Variants in PSEN1 observed in about 807,000 individuals in gnomAD.
PSEN1 encodes presenilin-1.
Under a neutral mutation model 53.5 loss-of-function variants are expected in PSEN1, and 15 were observed. The ratio of observed to expected loss-of-function variants is 0.28; its 90% CI spans 0.19 to 0.43. The LOEUF (loss-of-function observed/expected upper bound fraction) is 0.43. Ranked by LOEUF, PSEN1 falls within the 20% of genes least tolerant of loss-of-function variation. The pLI is 1.00. For synonymous variants in PSEN1, 208 were observed against 209.8 expected (o/e 0.99, Z 0.08); for missense variants, 387 against 571.2 (o/e 0.68, Z 3.29).
Position 73,214,993 on chromosome 14 carries a change from C to T in PSEN1, c.1130-2133C>T, listed in dbSNP as rs537949425. 3.9e-3 allele frequency among the ~76,000 whole-genome samples: 593 copies of T among 152,102 alleles called. 9 individuals carry two copies. Among genetic ancestry groups the T allele is most frequent in the Non-Finnish European group, 1.6e-3 (112 of 67,988 alleles). ...ATTTTTTTATTTTTTGAGACAATTT[C>T]GCTCGTTGCCTAGGGTGGAGTGCAG... On this transcript the variant is annotated intron_variant, in intron 10 of 11. Coordinates refer to ENST00000324501, the MANE Select transcript of PSEN1 (RefSeq NM_000021.4).
At chr14:73,200,775 G>A (rs756211906) in intron 8 of PSEN1, among the ~76,000 whole-genome samples, 15 of 152,128 alleles carry the variant, frequency 9.9e-5, no homozygotes, top group Non-Finnish European at 1.6e-4. Flanking sequence ...GAGAGGCTGG[G>A]CGTGGTGGCT....
chr14:73,193,287 G>A (rs1898799155), intron 7 of PSEN1, among the ~76,000 whole-genome samples: 1 of 152,084 alleles, frequency 6.6e-6, no homozygotes, highest in South Asian at 2.1e-4. Flanking sequence ...TCCAGCCTGG[G>A]TGATAGAACA....
At chr14:73,182,582 G>A (rs1049558646) in intron 5 of PSEN1, among the ~76,000 whole-genome samples, 11 of 152,086 alleles carry the variant, frequency 7.2e-5, no homozygotes, top group Non-Finnish European at 1.2e-4. Context: ...GGTGGCTCAC[G>A]CCTATAATCC....
At chr14:73,155,413 G>T (rs1897326353) in intron 3 of PSEN1, among the ~76,000 whole-genome samples, 1 of 152,094 alleles carries the variant, frequency 6.6e-6, no homozygotes, top group Non-Finnish European at 1.5e-5. Flanking sequence ...GCACATACTT[G>T]TTCAATAAAT....
chr14:73,211,124 AAAG>A (rs533284425), intron 9 of PSEN1, among the ~76,000 whole-genome samples: 17 of 152,364 alleles, frequency 1.1e-4, no homozygotes, highest in African/African-American at 3.1e-4. Context: ...TGCCTTAAAC[AAAG>A]AAGAAATTTA....
chr14:73,201,816 G>A (rs1899199303), intron 8 of PSEN1, among the ~76,000 whole-genome samples: 1 of 151,860 alleles, frequency 6.6e-6, no homozygotes, highest in East Asian at 1.9e-4. Context: ...GTGTGATCTT[G>A]GCTCACTGCA....
At chr14:73,141,972 CAGG>C (rs1349721895) in intron 1 of PSEN1, among the ~76,000 whole-genome samples, 1 of 151,388 alleles carries the variant, frequency 6.6e-6, no homozygotes, top group Non-Finnish European at 1.5e-5. Flanking sequence ...GAGGCTGAGG[CAGG>C]AGAATGGCCT....
intron 5 of PSEN1, among the ~76,000 whole-genome samples, chr14:73,175,371 C>G (rs1898018261): frequency 6.6e-6 from 1 of 152,076 alleles, no homozygotes; most frequent in African/African-American, 2.4e-5. Context: ...AGGTGATCCA[C>G]CCACCTCGGC....
At chr14:73,145,629 C>T (rs1026673591) in intron 1 of PSEN1, among the ~76,000 whole-genome samples, 3 of 152,058 alleles carry the variant, frequency 2.0e-5, no homozygotes, top group African/African-American at 4.8e-5. Flanking sequence ...CATGAGCCAC[C>T]GAGCCCGGCC....
intron 3 of PSEN1, among the ~76,000 whole-genome samples, chr14:73,165,748 TAAAA>T (rs1255488298): frequency 9.7e-6 from 1 of 102,618 alleles, no homozygotes; most frequent in Non-Finnish European, 2.0e-5. Flanking sequence ...AACTCCGTCT[TAAAA>T]AAAAAAAAAA....
intron 8 of PSEN1, 129 bp from the exon 9 acceptor site, chr14:73,206,257 C>T: frequency 4.2e-6 from 3 of 716,186 alleles, no homozygotes; most frequent in Admixed American, 2.2e-5. Flanking sequence ...ATTTTTACTT[C>T]TGATTGTTGA....
chr14:73,171,518 C>G (rs1474487861), intron 4 of PSEN1, among the ~76,000 whole-genome samples: 2 of 152,058 alleles, frequency 1.3e-5, no homozygotes, highest in African/African-American at 2.4e-5. Context: ...AAGGGTGCAC[C>G]CTTACAGATG....
intron 1 of PSEN1, among the ~76,000 whole-genome samples, chr14:73,139,054 C>G (rs1167860367): frequency 1.3e-5 from 2 of 151,960 alleles, no homozygotes; most frequent in Non-Finnish European, 2.9e-5. Flanking sequence ...GAGGCCGAGG[C>G]GGGTGGATAA....
intron 1 of PSEN1, 100 bp downstream of exon 1, chr14:73,136,683 G>C (rs962944013): frequency 6.6e-6 from 1 of 152,338 alleles, no homozygotes; most frequent in African/African-American, 2.4e-5. Flanking sequence ...CGCGAAGCCG[G>C]TGTCCTAAAA....
Position 73,219,981 on chromosome 14 carries a change from C to A in PSEN1, c.*692C>A, listed in dbSNP as rs1184044399. ...TTACCGTCTGTGATTGCCATTTCTT[C>A]CCAAGGCCAGTCTGAACCTGAGGTT... is the stretch of plus-strand genomic sequence containing the variant. On this transcript the variant is annotated 3_prime_UTR_variant, in exon 12 of 12. Coordinates refer to ENST00000324501, the MANE Select transcript of PSEN1 (RefSeq NM_000021.4). The A allele has an allele frequency of 2.0e-5, 3 of 152,598 alleles. No homozygotes were observed. The highest frequency in any genetic ancestry group is 3.4e-3 in the Middle Eastern group (1 of 294). 9.5% of individuals were successfully genotyped at this position (152,598 alleles called of 1,614,324 possible).
intron 1 of PSEN1, among the ~76,000 whole-genome samples, chr14:73,138,795 T>TA (rs1465776573): frequency 1.4e-5 from 2 of 139,342 alleles, no homozygotes; most frequent in South Asian, 2.3e-4. Context: ...CCATCTCTAC[T>TA]AAAAAATACA....
At chr14:73,208,277 G>A (rs1899536496) in intron 9 of PSEN1, among the ~76,000 whole-genome samples, 2 of 152,206 alleles carry the variant, frequency 1.3e-5, no homozygotes, top group Non-Finnish European at 1.5e-5. Context: ...TGGGTCCCAA[G>A]TTCTTGTCCT....
intron 10 of PSEN1, among the ~76,000 whole-genome samples, chr14:73,216,397 T>C (rs761574956): frequency 2.0e-5 from 3 of 152,158 alleles, no homozygotes; most frequent in Non-Finnish European, 4.4e-5. Flanking sequence ...CTCTATTAAT[T>C]TTCCACAATC....
chr14:73,143,480 A>G (rs1055340872), intron 1 of PSEN1, among the ~76,000 whole-genome samples: 1 of 152,004 alleles, frequency 6.6e-6, no homozygotes, highest in Admixed American at 6.6e-5. Flanking sequence ...GTTTTTTTTT[A>G]CATGTCAGTA....
Sources: gnomAD v4.1 joint callset for allele counts (sites outside exome capture counted in the v4.1 genomes callset) on GRCh38, gnomAD v4.1.1 for gene constraint, MANE v1.5 for transcripts, NCBI Gene and HGNC (gene_info 2026-07-23, HGNC 2026-07-21) for gene names.